Variants in PRELID2 observed in about 807,000 individuals in gnomAD.
PRELID2 encodes PRELI domain containing 2, also known as PRELI domain-containing protein 2.
A neutral mutation model predicts 28.4 loss-of-function variants in PRELID2; 25 were observed. That is an observed-to-expected ratio of 0.88 (90% CI 0.64 to 1.23). The LOEUF is 1.23. PRELID2 is among the 50% of genes most tolerant of loss of function. The probability of loss-of-function intolerance (pLI) is 0.00; values close to 1 mark genes in which losing one functional copy is unlikely to be tolerated. For synonymous variants in PRELID2, 76 were observed against 71.6 expected (o/e 1.06, Z -0.31); for missense variants, 201 against 214.4 (o/e 0.94, Z 0.39).
the PRELID2 span, among the ~76,000 whole-genome samples, chr5:145,383,126 C>A: frequency 6.6e-6 from 1 of 150,672 alleles, no homozygotes; most frequent in Non-Finnish European, 1.5e-5. Flanking sequence ...AAAATTTACA[C>A]TGATTCTAAA....
chr5:145,548,272 G>A (rs1399349327), intron 1 of PRELID2, among the ~76,000 whole-genome samples: 3 of 151,952 alleles, frequency 2.0e-5, no homozygotes, highest in Non-Finnish European at 4.4e-5. Context: ...TTTAAATATT[G>A]AGGAATACAA....
downstream of PRELID2, among the ~76,000 whole-genome samples, chr5:145,753,027 G>A (rs1757165153): frequency 1.3e-5 from 2 of 152,154 alleles, no homozygotes; most frequent in Non-Finnish European, 2.9e-5. Flanking sequence ...AACTTAAAAT[G>A]GAAAAACAAA....
chr5:145,783,741 G>A lies in PRELID2; in HGVS notation c.474+12701C>T, dbSNP rs76705837. 8.7e-3 allele frequency among the ~76,000 whole-genome samples: 1,331 copies of A among 152,288 alleles called. 24 individuals carry two copies. The highest frequency in any genetic ancestry group is 0.031 in the African/African-American group (1,270 of 41,558). On this transcript the variant is annotated intron_variant, in intron 5 of 6. Transcript: ENST00000683046. ...GGGTTCACATGAACAAGCAGGAAAT[G>A]CAAGTCTCCGATATATAGTCAGTAT...
chr5:145,497,759 G>T (rs147960984), intron 1 of PRELID2, among the ~76,000 whole-genome samples: 2 of 152,296 alleles, frequency 1.3e-5, no homozygotes, highest in East Asian at 3.9e-4. Flanking sequence ...TTATTTACCT[G>T]CAGAGACTGT....
intron 1 of PRELID2, among the ~76,000 whole-genome samples, chr5:145,832,309 G>A (rs766930897): frequency 4.6e-5 from 7 of 152,020 alleles, no homozygotes; most frequent in Non-Finnish European, 1.0e-4. Flanking sequence ...TTAGCCTCCC[G>A]AGTAGCTGGG....
chr5:145,764,734 C>T (rs1561581751), intron 6 of PRELID2, among the ~76,000 whole-genome samples, 197 bp downstream of exon 6: 1 of 152,140 alleles, frequency 6.6e-6, no homozygotes, highest in Non-Finnish European at 1.5e-5. Flanking sequence ...GCATGTAATA[C>T]AAAACTGCTC....
chr5:145,412,902 C>A, the PRELID2 span, among the ~76,000 whole-genome samples: 1 of 152,142 alleles, frequency 6.6e-6, no homozygotes, highest in Non-Finnish European at 1.5e-5. Flanking sequence ...AGCAAAGGGG[C>A]AAGCCACTTA....
At chr5:145,766,885 T>C (rs768263642) in intron 5 of PRELID2, among the ~76,000 whole-genome samples, 26 of 151,984 alleles carry the variant, frequency 1.7e-4, no homozygotes, top group Non-Finnish European at 2.9e-4. Flanking sequence ...GAAAACAGAC[T>C]CCCAAGAGTC....
intron 1 of PRELID2, among the ~76,000 whole-genome samples, chr5:145,502,417 G>A (rs1430058312): frequency 8.5e-5 from 13 of 152,112 alleles, no homozygotes; most frequent in Non-Finnish European, 4.4e-5. Flanking sequence ...TTGAATATGA[G>A]ATTTGAGTGG....
In PRELID2 at chr5:145,716,429, T is replaced by A. The variant is rs150359229; in HGVS notation, n.70+48502A>T. The stretch of plus-strand genomic sequence containing the variant: ...CACTTCTATATCAGAGCCACCTTGT[T>A]TTGGGGTGGGTGCTCAGAAACCTCT... On this transcript the variant is annotated intron_variant and non_coding_transcript_variant, in intron 1 of 2. Transcript: ENST00000510259. 5.6e-3 allele frequency among the ~76,000 whole-genome samples: 845 copies of A among 152,246 alleles called. 10 individuals are homozygous for A. Among genetic ancestry groups the A allele is most frequent in the African/African-American group, 0.018 (766 of 41,550 alleles).
At chr5:145,689,567 GC>G (rs1755103426) in intron 1 of PRELID2, among the ~76,000 whole-genome samples, 1 of 152,196 alleles carries the variant, frequency 6.6e-6, no homozygotes, top group Non-Finnish European at 1.5e-5. Context: ...AGAAACAATA[GC>G]TTAGTATTCA....
intron 1 of PRELID2, among the ~76,000 whole-genome samples, chr5:145,596,907 AC>A (rs1434484125): frequency 6.6e-6 from 1 of 152,028 alleles, no homozygotes; most frequent in Admixed American, 6.6e-5. Flanking sequence ...TCCTGATTTG[AC>A]CCCCAACATT....
chr5:145,430,391 G>A, the PRELID2 span, among the ~76,000 whole-genome samples: 2 of 152,084 alleles, frequency 1.3e-5, no homozygotes, highest in Non-Finnish European at 2.9e-5. Flanking sequence ...GAGAATTGCC[G>A]GGGAGTTCTG....
chr5:145,589,186 T>C (rs565515213), intron 1 of PRELID2, among the ~76,000 whole-genome samples: 1 of 152,298 alleles, frequency 6.6e-6, no homozygotes, highest in African/African-American at 2.4e-5. Flanking sequence ...TTTTGCATCA[T>C]CCTTCCCTTA....
chr5:145,295,231 T>C, the PRELID2 span, among the ~76,000 whole-genome samples: 1 of 152,194 alleles, frequency 6.6e-6, no homozygotes, highest in Non-Finnish European at 1.5e-5. Flanking sequence ...AAAAAATTGA[T>C]TTCTAAGTTG....
chr5:145,523,179 G>A (rs1221189869), intron 1 of PRELID2, among the ~76,000 whole-genome samples: 1 of 152,138 alleles, frequency 6.6e-6, no homozygotes, highest in Non-Finnish European at 1.5e-5. Flanking sequence ...CTCAGAAAGT[G>A]GTTCTTTTTA....
intron 1 of PRELID2, among the ~76,000 whole-genome samples, chr5:145,503,666 A>G (rs1752380070): frequency 6.6e-6 from 1 of 152,182 alleles, no homozygotes; most frequent in Non-Finnish European, 1.5e-5. Flanking sequence ...TGTGCATTGA[A>G]TCATCATATT....
At chr5:145,330,515 T>C in the PRELID2 span, among the ~76,000 whole-genome samples, 2 of 152,218 alleles carry the variant, frequency 1.3e-5, no homozygotes, top group African/African-American at 4.8e-5. Context: ...AGCGTATGTG[T>C]CCAGGAATTT....
At chr5:145,282,491 A>G in the PRELID2 span, among the ~76,000 whole-genome samples, 1 of 152,062 alleles carries the variant, frequency 6.6e-6, no homozygotes, top group African/African-American at 2.4e-5. Context: ...GTAATGGGAT[A>G]AATTGACTTC....
Sources: gnomAD v4.1 joint callset for allele counts (sites outside exome capture counted in the v4.1 genomes callset) on GRCh38, gnomAD v4.1.1 for gene constraint, MANE v1.5 for transcripts, NCBI Gene and HGNC (gene_info 2026-07-23, HGNC 2026-07-21) for gene names.